C6orf163: variants seen among roughly 807,000 people sequenced by gnomAD.
The protein encoded by C6orf163 is chromosome 6 open reading frame 163, also known as uncharacterized protein C6orf163.
In C6orf163, 22 loss-of-function variants were observed where a neutral mutation model predicts 28.4. The observed-to-expected ratio is 0.78, with a 90% CI of 0.55 to 1.11. The LOEUF is 1.11. C6orf163 is among the 50% of genes least tolerant of loss of function. The pLI is 0.00. For missense variants in C6orf163, 342 were observed against 389.1 expected, an observed-to-expected ratio of 0.88 and a Z score of 1.02; for synonymous variants, 110 against 123.6, an observed-to-expected ratio of 0.89 and a Z score of 0.73.
intron 4 of C6orf163, among the ~76,000 whole-genome samples, chr6:87,363,830 A>C (rs1370592618): frequency 6.6e-6 from 1 of 152,218 alleles, no homozygotes; most frequent in East Asian, 1.9e-4. Flanking sequence ...TCTTTATAGC[A>C]GCATAACACT....
At chr6:87,348,946 C>A (rs140549914) in intron 2 of C6orf163, 40 bp downstream of exon 2, 6 of 1,532,400 alleles carry the variant, frequency 3.9e-6, no homozygotes, top group Non-Finnish European at 8.7e-7. Flanking sequence ...CCATCTTTAC[C>A]GTTCTTTCAC....
At chr6:87,347,815 A>C in intron 1 of C6orf163, 1 of 985,496 alleles carries the variant, frequency 1.0e-6, no homozygotes, top group Non-Finnish European at 1.2e-6. Context: ...GGAAAGGAGG[A>C]ATGTGGATCC....
rs1777397326 is a variant in C6orf163, at chr6:87,350,511, G to C, written c.351+10G>C. On this transcript the variant is annotated intron_variant, in intron 3 of 4. Transcript: ENST00000388923. ...TCAGAAAGATTTACAGGTTTTTATA[G>C]TGGCTTATTTGTTGTCTTTTAAAAG... is the stretch of plus-strand genomic sequence containing the variant. The C allele has an allele frequency of 2.8e-6, 4 of 1,418,562 alleles. No homozygotes were observed. Among genetic ancestry groups the C allele is most frequent in the Non-Finnish European group, 3.8e-6 (4 of 1,045,168 alleles). The allele number at this position is 1,418,562 out of a possible 1,614,324, so 87.9% of individuals were successfully genotyped here.
chr6:87,352,923 G>A (rs772407744), intron 3 of C6orf163, among the ~76,000 whole-genome samples: 10 of 152,118 alleles, frequency 6.6e-5, no homozygotes, highest in Non-Finnish European at 1.0e-4. Flanking sequence ...ACATGATGGA[G>A]TCCATGAATC....
intron 4 of C6orf163, 56 bp from the exon 5 acceptor site, chr6:87,364,905 A>G: frequency 1.3e-5 from 17 of 1,319,020 alleles, no homozygotes; most frequent in Non-Finnish European, 1.7e-5. Flanking sequence ...AGATGAAATT[A>G]TTTTGTTTTT....
At chr6:87,363,915 G>GTGA (rs1282388569) in intron 4 of C6orf163, among the ~76,000 whole-genome samples, 1 of 152,086 alleles carries the variant, frequency 6.6e-6, no homozygotes, top group African/African-American at 2.4e-5. Context: ...TTTGTGATGT[G>GTGA]TGATATCACA....
At position 87,365,080 on chromosome 6, in the gene C6orf163, A is replaced by C. The variant is rs1232278135; in HGVS notation, c.674A>C (p.Gln225Pro). Residue 225 changes from glutamine (Q) to proline (P), a missense_variant, in exon 5 of 5, where the codon CAG becomes CCG. By Grantham distance (76) the Gln-to-Pro change is moderately conservative. Coordinates refer to ENST00000388923, the MANE Select transcript of C6orf163 (RefSeq NM_001010868.3). ...HEMSILYGIA[Q>P]RQRQEEVQEV... ...ATGAGCATCCTCTATGGCATAGCTCAGAGGCAGAGGCAAGAAGAGGTACAG... is the reference window on the plus strand; with the variant it reads ...ATGAGCATCCTCTATGGCATAGCTCCGAGGCAGAGGCAAGAAGAGGTACAG... The C allele has an allele frequency of 1.3e-6, 2 of 1,552,044 alleles. No homozygotes were observed. The highest frequency in any genetic ancestry group is 1.7e-6 in the Non-Finnish European group (2 of 1,147,072).
chr6:87,359,781 A>G (rs1013642581), intron 4 of C6orf163, among the ~76,000 whole-genome samples: 1 of 152,210 alleles, frequency 6.6e-6, no homozygotes, highest in African/African-American at 2.4e-5. Flanking sequence ...ACACACTACA[A>G]CTATTTTGAA....
chr6:87,356,600 AG>A (rs1410342706), intron 4 of C6orf163, 97 bp downstream of exon 4: 1 of 1,108,098 alleles, frequency 9.0e-7, no homozygotes, highest in African/African-American at 1.6e-5. Context: ...GATATTGCCC[AG>A]TTTTTGTGTT....
Position 87,345,182 on chromosome 6 carries a change from C to G in C6orf163, c.83C>G (p.Thr28Ser). 1 of 1,536,836 alleles carries G rather than the reference C, an allele frequency of 6.5e-7. No homozygotes were observed. The highest frequency in any genetic ancestry group is 8.7e-7 in the Non-Finnish European group (1 of 1,146,742). The change falls in exon 1 of 5, where the codon ACC becomes AGC. Residue 28 changes from threonine (T) to serine (S), a missense_variant. By Grantham distance (58) the Thr-to-Ser change is moderately conservative. Transcript: ENST00000388923. ...KIIPPAPFGK[T>S]FKRIHEYKPL... ...ATTCCACCAGCCCCTTTTGGAAAAACCTTCAAACGGATCCATGAATACAAG... is the reference window on the plus strand; with the variant it reads ...ATTCCACCAGCCCCTTTTGGAAAAAGCTTCAAACGGATCCATGAATACAAG...
Position 87,365,424 on chromosome 6 carries a change from A to G in C6orf163, c.*28A>G. 1.5e-6 allele frequency: 2 copies of G among 1,334,680 alleles called. No individual in the cohort carries two copies. Among genetic ancestry groups the G allele is most frequent in the Non-Finnish European group, 2.0e-6 (2 of 977,350 alleles). 82.7% of individuals were successfully genotyped at this position (1,334,680 alleles called of 1,614,324 possible). On this transcript the variant is annotated 3_prime_UTR_variant, in exon 5 of 5. Transcript: ENST00000388923. ...GTCTTCAGTTGAAATTCCACTACAA[A>G]AGACATCATTCCAGACTAAATAAAT...
chr6:87,349,559 A>G (rs1777379506), intron 2 of C6orf163, among the ~76,000 whole-genome samples: 1 of 152,340 alleles, frequency 6.6e-6, no homozygotes, highest in African/African-American at 2.4e-5. Context: ...AATGACATCA[A>G]TAACTTCCCG....
Position 87,345,183 on chromosome 6 carries a change from C to T in C6orf163, c.84C>T (p.Thr28=). 1.3e-6 allele frequency: 2 copies of T among 1,536,820 alleles called. No homozygotes were observed. Among genetic ancestry groups the T allele is most frequent in the Non-Finnish European group, 1.7e-6 (2 of 1,146,760 alleles). Residue 28 remains threonine (T), a synonymous_variant, in exon 1 of 5, where the codon ACC becomes ACT. Coordinates refer to ENST00000388923, the MANE Select transcript of C6orf163 (RefSeq NM_001010868.3). The part of the protein sequence containing the change: ...KIIPPAPFGK[T]FKRIHEYKPL... Reference sequence around the variant, plus strand: ...TTCCACCAGCCCCTTTTGGAAAAACCTTCAAACGGATCCATGAATACAAGC... The same window carrying T: ...TTCCACCAGCCCCTTTTGGAAAAACTTTCAAACGGATCCATGAATACAAGC...
At chr6:87,359,747 A>T (rs1025623887) in intron 4 of C6orf163, among the ~76,000 whole-genome samples, 1 of 152,212 alleles carries the variant, frequency 6.6e-6, no homozygotes, top group Non-Finnish European at 1.5e-5. Context: ...ATAAAATATC[A>T]GACTGAATCC....
At chr6:87,352,593 A>C (rs1360045221) in intron 3 of C6orf163, among the ~76,000 whole-genome samples, 5 of 152,246 alleles carry the variant, frequency 3.3e-5, no homozygotes, top group African/African-American at 1.2e-4. Context: ...AAAGACAATA[A>C]TATCAAAAAG....
At chr6:87,352,695 G>A (rs1043893592) in intron 3 of C6orf163, among the ~76,000 whole-genome samples, 11 of 152,178 alleles carry the variant, frequency 7.2e-5, no homozygotes, top group Non-Finnish European at 1.5e-4. Flanking sequence ...ACTTAAAAAT[G>A]TATATATGCC....
chr6:87,352,864 C>T (rs911463359), intron 3 of C6orf163, among the ~76,000 whole-genome samples: 1 of 152,034 alleles, frequency 6.6e-6, no homozygotes, highest in Non-Finnish European at 1.5e-5. Context: ...AGCAATATCT[C>T]CTGAGGGGGA....
At chr6:87,357,106 A>G (rs1777514471) in intron 4 of C6orf163, 2 of 154,272 alleles carry the variant, frequency 1.3e-5, no homozygotes, top group East Asian at 1.9e-4. Flanking sequence ...TTTAAACAAT[A>G]GAGTCTATAT....
intron 2 of C6orf163, among the ~76,000 whole-genome samples, chr6:87,349,869 C>T (rs368494935): frequency 9.2e-5 from 14 of 152,110 alleles, no homozygotes; most frequent in African/African-American, 2.9e-4. Flanking sequence ...CAAGGTGATG[C>T]GTTTGTAAAT....
Sources: gnomAD v4.1 joint callset for allele counts (sites outside exome capture counted in the v4.1 genomes callset) on GRCh38, gnomAD v4.1.1 for gene constraint, MANE v1.5 for transcripts, NCBI Gene and HGNC (gene_info 2026-07-23, HGNC 2026-07-21) for gene names.